The following DENND1B variants were observed in gnomAD, a reference collection of about 807,000 sequenced individuals.
DENND1B encodes the protein DENN domain-containing protein 1B.
Under a neutral mutation model 90.1 loss-of-function variants are expected in DENND1B, and 59 were observed. The ratio of observed to expected loss-of-function variants is 0.65; its 90% CI spans 0.53 to 0.81. The LOEUF (loss-of-function observed/expected upper bound fraction) is 0.81, where lower values mean the gene tolerates loss of function less well. Ranked by LOEUF, DENND1B falls within the 40% of genes least tolerant of loss-of-function variation. The pLI is 0.00. For synonymous variants in DENND1B, 337 were observed against 324.6 expected (o/e 1.04, Z -0.41); for missense variants, 862 against 912.6 (o/e 0.94, Z 0.71).
upstream of DENND1B, among the ~76,000 whole-genome samples, chr1:197,779,065 AC>A (rs765457831): frequency 6.6e-6 from 1 of 152,244 alleles, no homozygotes; most frequent in South Asian, 2.1e-4. Flanking sequence ...TCAGAACTTT[AC>A]CATTCTTTTG....
At position 197,775,359 on chromosome 1, in the gene DENND1B, T is replaced by C. The variant is rs1210764726; in HGVS notation, c.-204A>G. The C allele has an allele frequency of 2.6e-5, 9 of 346,132 alleles. No individual in the cohort carries two copies. Among genetic ancestry groups the C allele is most frequent in the African/African-American group, 4.4e-5 (2 of 45,870 alleles). The allele number at this position is 346,132 out of a possible 1,614,324, so 21.4% of individuals were successfully genotyped here. On this transcript the variant is annotated 5_prime_UTR_variant, in exon 1 of 23. Transcript: ENST00000620048. The stretch of plus-strand genomic sequence containing the variant: ...GCCTCCCACCCCACCCACCAGAGCC[T>C]TTCTGTGACAGCAGCGGTGGCGTGG...
intron 2 of DENND1B, among the ~76,000 whole-genome samples, chr1:197,742,913 G>C (rs1283511628): frequency 6.6e-6 from 1 of 152,122 alleles, no homozygotes; most frequent in African/African-American, 2.4e-5. Context: ...TGGTCACATA[G>C]AACCAAGAGA....
At chr1:197,715,314 G>T (rs1464229042) in intron 2 of DENND1B, among the ~76,000 whole-genome samples, 3 of 151,724 alleles carry the variant, frequency 2.0e-5, no homozygotes, top group South Asian at 2.1e-4. Flanking sequence ...ACTTGGTCAG[G>T]TTATTAAAAA....
In DENND1B at chr1:197,539,977, C is replaced by G. The variant is rs140388741; in HGVS notation, c.1502G>C (p.Arg501Pro). The G allele has an allele frequency of 6.2e-7, 1 of 1,612,336 alleles. No homozygotes were observed. The part of the protein sequence containing the change: ...HNEKGGNSEK[R>P]KLAQARLKRP... Reference sequence around the variant, plus strand: ...AACCTTACTTACCTGAGCAAGCTTACGCTTTTCTGAGTTTCCTCCCTTTTC... The same window carrying G: ...AACCTTACTTACCTGAGCAAGCTTAGGCTTTTCTGAGTTTCCTCCCTTTTC... Residue 501 changes from arginine (R) to proline (P), a missense_variant, in exon 20 of 23, where the codon CGT becomes CCT. Coordinates refer to ENST00000620048, the MANE Select transcript of DENND1B (RefSeq NM_001195215.2).
intron 3 of DENND1B, among the ~76,000 whole-genome samples, chr1:197,681,646 C>T (rs959818647): frequency 1.3e-5 from 2 of 152,140 alleles, no homozygotes; most frequent in African/African-American, 2.4e-5. Flanking sequence ...CCTTAGAGAA[C>T]ATCCTTTTTC....
At chr1:197,743,090 G>A (rs896081551) in intron 2 of DENND1B, among the ~76,000 whole-genome samples, 1 of 152,154 alleles carries the variant, frequency 6.6e-6, no homozygotes, top group African/African-American at 2.4e-5. Flanking sequence ...CAGGATGACT[G>A]ACTGACAAGG....
At chr1:197,676,411 TA>T (rs1656081307) in intron 3 of DENND1B, among the ~76,000 whole-genome samples, 1 of 152,168 alleles carries the variant, frequency 6.6e-6, no homozygotes, top group East Asian at 1.9e-4. Context: ...ACAGTGTTTT[TA>T]ATATGACACA....
chr1:197,742,275 C>A (rs1431836098), intron 2 of DENND1B, among the ~76,000 whole-genome samples: 1 of 152,096 alleles, frequency 6.6e-6, no homozygotes, highest in African/African-American at 2.4e-5. Flanking sequence ...ATTACCATAA[C>A]AATAATATCA....
chr1:197,669,188 A>C (rs1655239718), intron 5 of DENND1B, among the ~76,000 whole-genome samples: 1 of 152,054 alleles, frequency 6.6e-6, no homozygotes, highest in Non-Finnish European at 1.5e-5. Flanking sequence ...CCATACAAGC[A>C]TTTTCATCAT....
intron 18 of DENND1B, among the ~76,000 whole-genome samples, chr1:197,545,057 G>GGAGAAGGAGAAGAAC (rs1364769531): frequency 6.6e-6 from 1 of 151,016 alleles, no homozygotes; most frequent in Non-Finnish European, 1.5e-5. Context: ...AGGAGAAGAA[G>GGAGAAGGAGAAGAAC]AAGAAGAAGA....
chr1:197,715,105 GC>G, intron 2 of DENND1B, 31 bp from the exon 3 acceptor site: 1 of 1,586,524 alleles, frequency 6.3e-7, no homozygotes. Context: ...TAATTAAACA[GC>G]AGCAAAAGAA....
At chr1:197,678,269 A>G (rs1656296509) in intron 3 of DENND1B, among the ~76,000 whole-genome samples, 1 of 152,214 alleles carries the variant, frequency 6.6e-6, no homozygotes. Context: ...AATGATATTA[A>G]TCAAATATTA....
intron 14 of DENND1B, among the ~76,000 whole-genome samples, chr1:197,583,888 AT>A (rs1450876320): frequency 6.6e-6 from 1 of 151,930 alleles, no homozygotes. Context: ...TACTGATTCC[AT>A]TTTTTTTCTA....
intron 18 of DENND1B, among the ~76,000 whole-genome samples, chr1:197,544,548 A>C (rs186959730): frequency 9.9e-4 from 150 of 151,902 alleles, no homozygotes; most frequent in African/African-American, 3.4e-3. Context: ...TATTCCCATT[A>C]TTTTTTTTCT....
chr1:197,586,170 A>G (rs1674674588), intron 14 of DENND1B, among the ~76,000 whole-genome samples: 1 of 152,180 alleles, frequency 6.6e-6, no homozygotes, highest in Admixed American at 6.5e-5. Context: ...AGTGTTTCCC[A>G]AAAGCTACAT....
At chr1:197,637,620 T>C (rs1203772534) in intron 10 of DENND1B, among the ~76,000 whole-genome samples, 2 of 152,166 alleles carry the variant, frequency 1.3e-5, no homozygotes, top group Non-Finnish European at 2.9e-5. Context: ...ACTCCAGTCA[T>C]ATTCACTTAG....
intron 12 of DENND1B, among the ~76,000 whole-genome samples, chr1:197,609,157 A>T (rs181833144): frequency 7.3e-5 from 11 of 150,718 alleles, no homozygotes; most frequent in East Asian, 3.9e-4. Flanking sequence ...AAGAAAATTT[A>T]AAAAATTATC....
At chr1:197,573,870 A>T (rs1177597460) in intron 15 of DENND1B, among the ~76,000 whole-genome samples, 1 of 152,216 alleles carries the variant, frequency 6.6e-6, no homozygotes, top group African/African-American at 2.4e-5. Flanking sequence ...ATCTCAATAG[A>T]TGCAGAAAAG....
At chr1:197,619,135 T>C (rs1401159890) in intron 10 of DENND1B, among the ~76,000 whole-genome samples, 2 of 151,260 alleles carry the variant, frequency 1.3e-5, no homozygotes, top group Non-Finnish European at 3.0e-5. Context: ...TTTACTACCT[T>C]GTACTTACAA....
Sources: gnomAD v4.1 joint callset for allele counts (sites outside exome capture counted in the v4.1 genomes callset) on GRCh38, gnomAD v4.1.1 for gene constraint, MANE v1.5 for transcripts, NCBI Gene and HGNC (gene_info 2026-07-23, HGNC 2026-07-21) for gene names.